The following TMEM132B variants were observed in gnomAD, a reference collection of about 807,000 sequenced individuals.
TMEM132B encodes transmembrane protein 132B.
A neutral mutation model predicts 90.8 loss-of-function variants in TMEM132B; 18 were observed. The observed-to-expected ratio is 0.20, with a 90% CI of 0.14 to 0.29. The LOEUF is 0.29. TMEM132B is among the 10% of genes least tolerant of loss of function. The pLI is 1.00. For synonymous variants in TMEM132B, 504 were observed against 523.3 expected (o/e 0.96, Z 0.50); for missense variants, 1,096 against 1,326.8 (o/e 0.83, Z 2.70).
chr12:125,613,218 C>T (rs959247234), intron 5 of TMEM132B, among the ~76,000 whole-genome samples: 1 of 115,036 alleles, frequency 8.7e-6, no homozygotes, highest in Non-Finnish European at 1.8e-5. Context: ...TATACACCCA[C>T]TATATTATAT....
intron 4 of TMEM132B, among the ~76,000 whole-genome samples, chr12:125,535,952 T>G (rs1203182002): frequency 1.3e-5 from 2 of 152,210 alleles, no homozygotes; most frequent in Admixed American, 1.3e-4. Flanking sequence ...TACAACCACA[T>G]CAGACTTCTG....
intron 1 of TMEM132B, among the ~76,000 whole-genome samples, chr12:125,230,772 G>C (rs1453668171): frequency 1.3e-5 from 2 of 151,798 alleles, no homozygotes; most frequent in African/African-American, 2.4e-5. Flanking sequence ...GCAAAGTGCT[G>C]GGATTACAGG....
chr12:125,265,318 T>TATAC (rs1394841687), intron 1 of TMEM132B, among the ~76,000 whole-genome samples: 1 of 148,094 alleles, frequency 6.8e-6, no homozygotes, highest in African/African-American at 2.7e-5. Flanking sequence ...CTGTTTTTTC[T>TATAC]ATACATACAT....
chr12:125,625,591 T>A (rs556179912), intron 5 of TMEM132B, among the ~76,000 whole-genome samples: 2 of 152,228 alleles, frequency 1.3e-5, no homozygotes, highest in Non-Finnish European at 2.9e-5. Flanking sequence ...TGTTTCTAAT[T>A]TTTGACACTT....
chr12:125,599,716 A>G (rs1303744430), intron 5 of TMEM132B, among the ~76,000 whole-genome samples: 1 of 152,198 alleles, frequency 6.6e-6, no homozygotes, highest in African/African-American at 2.4e-5. Flanking sequence ...ATGTGTTCTC[A>G]AACTTAACCA....
At chr12:125,577,477 T>G (rs747311727) in intron 4 of TMEM132B, among the ~76,000 whole-genome samples, 1 of 150,466 alleles carries the variant, frequency 6.6e-6, no homozygotes, top group Non-Finnish European at 1.5e-5. Flanking sequence ...TATTTTGTAT[T>G]AATGTATAAA....
chr12:125,249,930 A>G (rs1874281910), intron 1 of TMEM132B, among the ~76,000 whole-genome samples: 1 of 152,248 alleles, frequency 6.6e-6, no homozygotes, highest in African/African-American at 2.4e-5. Flanking sequence ...ATTAGTGGTT[A>G]CCAGTCTGGG....
intron 1 of TMEM132B, among the ~76,000 whole-genome samples, chr12:125,341,303 C>T (rs2136220943): frequency 6.6e-6 from 1 of 152,272 alleles, no homozygotes; most frequent in Non-Finnish European, 1.5e-5. Context: ...ACTAAATCCT[C>T]ATAGTCAAAA....
At chr12:125,331,874 C>T (rs940321418) in intron 1 of TMEM132B, among the ~76,000 whole-genome samples, 3 of 152,174 alleles carry the variant, frequency 2.0e-5, no homozygotes, top group African/African-American at 4.8e-5. Flanking sequence ...CCACCTTAGC[C>T]TCCCAAGTAG....
intron 2 of TMEM132B, among the ~76,000 whole-genome samples, chr12:125,387,792 C>A (rs1189790666): frequency 6.6e-6 from 1 of 152,078 alleles, no homozygotes; most frequent in Non-Finnish European, 1.5e-5. Context: ...ATTAATTTAT[C>A]CGTTATCCAT....
chr12:125,495,232 G>A (rs1796047423), intron 3 of TMEM132B, among the ~76,000 whole-genome samples: 1 of 113,686 alleles, frequency 8.8e-6, no homozygotes, highest in South Asian at 3.2e-4. Flanking sequence ...CCTGAAAATG[G>A]CCGTGTCCGT....
At chr12:125,220,275 C>A (rs1873528141) in intron 1 of TMEM132B, among the ~76,000 whole-genome samples, 1 of 152,196 alleles carries the variant, frequency 6.6e-6, no homozygotes, top group Admixed American at 6.5e-5. Context: ...GGCCTCCTTC[C>A]TTCCTCAAGC....
chr12:125,434,870 G>A (rs1296961534), intron 3 of TMEM132B, among the ~76,000 whole-genome samples: 2 of 152,182 alleles, frequency 1.3e-5, no homozygotes, highest in African/African-American at 4.8e-5. Flanking sequence ...ATGCAGCGGG[G>A]TCAGGAGCGA....
Position 125,217,431 on chromosome 12 carries a change from T to C in TMEM132B, c.67+30565T>C, listed in dbSNP as rs200206081. ...TAGAAAGTGTTCTCTTTTGCCTATA[T>C]ACTCCTTCGCTTAATTCTTTGTTTG... On this transcript the variant is annotated intron_variant, in intron 1 of 8. Coordinates refer to ENST00000682704, the MANE Select transcript of TMEM132B (RefSeq NM_001366854.1). Among the ~76,000 whole-genome samples, 110 of 152,314 alleles carry C rather than the reference T, an allele frequency of 7.2e-4. 2 individuals carry two copies. In the East Asian group the frequency reaches 0.014, roughly 20 times the overall value.
intron 3 of TMEM132B, among the ~76,000 whole-genome samples, chr12:125,495,249 C>T (rs1882526761): frequency 7.2e-6 from 1 of 139,148 alleles, no homozygotes; most frequent in African/African-American, 2.7e-5. Context: ...CCGTCCTCCC[C>T]CTCCTCCCTG....
chr12:125,486,765 G>T (rs2136544046), intron 3 of TMEM132B, among the ~76,000 whole-genome samples: 1 of 152,298 alleles, frequency 6.6e-6, no homozygotes, highest in East Asian at 1.9e-4. Flanking sequence ...GTGTATGATT[G>T]CTGGCTGTCC....
In TMEM132B at chr12:125,445,438, C is replaced by T. The variant is rs939899715; in HGVS notation, c.1106+29761C>T. 6.6e-6 allele frequency among the ~76,000 whole-genome samples: 1 copy of T among 152,208 alleles called. No homozygotes were observed. Among genetic ancestry groups the T allele is most frequent in the Admixed American group, 6.5e-5 (1 of 15,290 alleles). On this transcript the variant is annotated intron_variant, in intron 3 of 8. Transcript: ENST00000682704. The surrounding 1 kb of genome is among the most constrained non-coding windows in gnomAD (Gnocchi z 4.3). ...TCACCACCTGCTCTGAGACAATGGGCCAAAGTCTAAGCCTTTCTTCTCTGC... is the reference window on the plus strand; with the variant it reads ...TCACCACCTGCTCTGAGACAATGGGTCAAAGTCTAAGCCTTTCTTCTCTGC...
chr12:125,635,311 G>A lies in TMEM132B; in HGVS notation c.1438-8765G>A, dbSNP rs1886455828. Among the ~76,000 whole-genome samples the A allele has an allele frequency of 2.0e-5, 3 of 151,408 alleles. 1 individual carries two copies. The South Asian group carries it at 6.3e-4, about 32-fold the overall frequency. ...CCTCCCCTAGCCCCCACCCCCAACAGGCCCAGTGTGTGATGTTCCCCTCCC... is the reference window on the plus strand; with the variant it reads ...CCTCCCCTAGCCCCCACCCCCAACAAGCCCAGTGTGTGATGTTCCCCTCCC... On this transcript the variant is annotated intron_variant, in intron 5 of 8. Transcript: ENST00000682704.
intron 3 of TMEM132B, among the ~76,000 whole-genome samples, chr12:125,449,258 C>T (rs1045773129): frequency 3.3e-5 from 5 of 152,146 alleles, no homozygotes; most frequent in South Asian, 2.1e-4. Flanking sequence ...TGAGCCACCG[C>T]GCCTGGCCCA....
Sources: allele counts gnomAD v4.1 joint callset (sites outside exome capture counted in the v4.1 genomes callset), GRCh38; gene constraint gnomAD v4.1.1; non-coding constraint Gnocchi (gnomAD v3.1); transcripts MANE v1.5; gene names NCBI Gene and HGNC (gene_info 2026-07-23, HGNC 2026-07-21).